PLCB4: variants seen among roughly 807,000 people sequenced by gnomAD.
PLCB4 encodes the protein phospholipase C beta 4.
Under a neutral mutation model 178.8 loss-of-function variants are expected in PLCB4, and 77 were observed. The observed-to-expected ratio is 0.43, with a 90% CI of 0.36 to 0.52. The LOEUF is 0.52. Ranked by LOEUF, PLCB4 falls within the 20% of genes least tolerant of loss-of-function variation. The probability of loss-of-function intolerance (pLI) is 0.00; values close to 1 mark genes in which losing one functional copy is unlikely to be tolerated. For missense variants in PLCB4, 1,024 were observed against 1,453.4 expected (o/e 0.70, Z 4.80); for synonymous variants, 496 against 490.8 (o/e 1.01, Z -0.14).
intron 7 of PLCB4, among the ~76,000 whole-genome samples, chr20:9,350,197 G>GC (rs1555801001): frequency 3.3e-5 from 5 of 152,006 alleles, no homozygotes; most frequent in Non-Finnish European, 4.4e-5. Context: ...AACTATGTGT[G>GC]CCCCTGAAGC....
At chr20:9,101,475 A>G (rs1336003986) in intron 2 of PLCB4, among the ~76,000 whole-genome samples, 1 of 152,176 alleles carries the variant, frequency 6.6e-6, no homozygotes, top group Non-Finnish European at 1.5e-5. Context: ...AACAAACTCT[A>G]TACAATGAAA....
chr20:9,296,930 G>A (rs2094643074), intron 3 of PLCB4, among the ~76,000 whole-genome samples: 1 of 152,042 alleles, frequency 6.6e-6, no homozygotes, highest in Non-Finnish European at 1.5e-5. Context: ...GATGGGTGCA[G>A]CACACCAACA....
At chr20:9,464,093 T>A (rs904224908) in intron 35 of PLCB4, among the ~76,000 whole-genome samples, 1 of 152,210 alleles carries the variant, frequency 6.6e-6, no homozygotes, top group African/African-American at 2.4e-5. Flanking sequence ...CAGGCCACAG[T>A]GCAATCAAAT....
chr20:9,450,400 G>A (rs576733249), intron 32 of PLCB4, among the ~76,000 whole-genome samples: 5 of 152,230 alleles, frequency 3.3e-5, no homozygotes, highest in African/African-American at 1.2e-4. Flanking sequence ...AGTGGTGTCT[G>A]GGAATCAAGT....
chr20:9,216,220 G>A (rs1369957298), intron 2 of PLCB4, among the ~76,000 whole-genome samples: 1 of 151,278 alleles, frequency 6.6e-6, no homozygotes. Flanking sequence ...TTGTTTGTTT[G>A]TTTGTTTGTT....
At chr20:9,362,770 A>G (rs2035456547) in intron 7 of PLCB4, 126 bp from the exon 8 acceptor site, 2 of 656,242 alleles carry the variant, frequency 3.0e-6, no homozygotes, top group South Asian at 3.4e-5. Flanking sequence ...GCTGTGTGAC[A>G]GGAAAGGGAC....
At chr20:9,273,149 A>G (rs1427621138) in intron 3 of PLCB4, among the ~76,000 whole-genome samples, 1 of 152,094 alleles carries the variant, frequency 6.6e-6, no homozygotes, top group Admixed American at 6.6e-5. Flanking sequence ...ATAATCATAG[A>G]CCTGCTTTTG....
At chr20:9,438,417 G>A (rs529871967) in intron 30 of PLCB4, among the ~76,000 whole-genome samples, 46 of 152,048 alleles carry the variant, frequency 3.0e-4, no homozygotes, top group South Asian at 2.9e-3. Context: ...CTTTGATATG[G>A]GCCTTAGGCA....
intron 2 of PLCB4, among the ~76,000 whole-genome samples, chr20:9,212,924 T>C (rs543787828): frequency 1.3e-5 from 2 of 152,088 alleles, no homozygotes; most frequent in Non-Finnish European, 2.9e-5. Context: ...TTAGTATTAA[T>C]ATATTCGTGG....
At chr20:9,476,223 T>C (rs1334602457) in intron 38 of PLCB4, among the ~76,000 whole-genome samples, 1 of 152,232 alleles carries the variant, frequency 6.6e-6, no homozygotes, top group Non-Finnish European at 1.5e-5. Context: ...TTTATGTCCT[T>C]GCCTACTTGG....
intron 35 of PLCB4, among the ~76,000 whole-genome samples, chr20:9,463,399 C>G (rs1234191893): frequency 1.3e-5 from 2 of 151,980 alleles, no homozygotes; most frequent in Non-Finnish European, 1.5e-5. Flanking sequence ...ATGACAGGAT[C>G]AAATTCACAT....
intron 28 of PLCB4, among the ~76,000 whole-genome samples, chr20:9,425,226 GC>G (rs2040917708): frequency 1.3e-5 from 2 of 152,192 alleles, no homozygotes; most frequent in Admixed American, 1.3e-4. Flanking sequence ...AAACCTCCCT[GC>G]AACACAGCAT....
At chr20:9,246,818 G>A (rs192204667) in intron 3 of PLCB4, among the ~76,000 whole-genome samples, 1 of 152,076 alleles carries the variant, frequency 6.6e-6, no homozygotes, top group African/African-American at 2.4e-5. Flanking sequence ...TTGCTTAGGG[G>A]AGTCTTAATA....
chr20:9,274,204 AT>A (rs1568505232), intron 3 of PLCB4, among the ~76,000 whole-genome samples: 1 of 152,160 alleles, frequency 6.6e-6, no homozygotes, highest in African/African-American at 2.4e-5. Flanking sequence ...GAAAAGGCAC[AT>A]TAAATGTTAA....
At chr20:9,317,111 G>C (rs192528985) in intron 4 of PLCB4, among the ~76,000 whole-genome samples, 38 of 152,282 alleles carry the variant, frequency 2.5e-4, no homozygotes, top group Admixed American at 1.9e-3. Flanking sequence ...AACATAATAT[G>C]TAAAAAAATG....
intron 2 of PLCB4, among the ~76,000 whole-genome samples, chr20:9,100,173 G>A (rs2091087034): frequency 6.6e-6 from 1 of 152,106 alleles, no homozygotes; most frequent in Non-Finnish European, 1.5e-5. Flanking sequence ...CGGGCAGGAG[G>A]ACCATGGTGG....
chr20:9,079,131 T>C (rs2090022334), intron 1 of PLCB4, among the ~76,000 whole-genome samples: 1 of 152,216 alleles, frequency 6.6e-6, no homozygotes, highest in Non-Finnish European at 1.5e-5. Flanking sequence ...AATGTTATAG[T>C]GTTTCACAGT....
intron 2 of PLCB4, among the ~76,000 whole-genome samples, chr20:9,116,039 A>G (rs1302356764): frequency 6.6e-6 from 1 of 152,040 alleles, no homozygotes; most frequent in Non-Finnish European, 1.5e-5. Flanking sequence ...AATCCTCCAC[A>G]TGGACCACAC....
chr20:9,304,720 G>A (rs939880220), intron 3 of PLCB4, among the ~76,000 whole-genome samples: 5 of 151,980 alleles, frequency 3.3e-5, no homozygotes, highest in African/African-American at 1.2e-4. Context: ...GATATTAATG[G>A]CAGTTAATGT....
Sources: allele counts gnomAD v4.1 joint callset (sites outside exome capture counted in the v4.1 genomes callset), GRCh38; gene constraint gnomAD v4.1.1; transcripts MANE v1.5; gene names NCBI Gene and HGNC (gene_info 2026-07-23, HGNC 2026-07-21).